The following COL27A1 variants were observed in gnomAD, a reference collection of about 807,000 sequenced individuals.
The protein encoded by COL27A1 is collagen type XXVII alpha 1 chain.
COL27A1 carries 106 observed loss-of-function variants against 251.3 expected under a neutral mutation model. That is an observed-to-expected ratio of 0.42 (90% CI 0.36 to 0.50). The LOEUF (loss-of-function observed/expected upper bound fraction) is 0.50. Ranked by LOEUF, COL27A1 falls within the 20% of genes least tolerant of loss-of-function variation. The pLI is 0.00. For synonymous variants in COL27A1, 1,000 were observed against 986.3 expected (o/e 1.01, Z -0.26); for missense variants, 2,325 against 2,522.8 (o/e 0.92, Z 1.68).
intron 51 of COL27A1, 94 bp from the exon 52 acceptor site, chr9:114,300,978 C>G (rs1223407028): frequency 8.0e-7 from 1 of 1,252,774 alleles, no homozygotes; most frequent in African/African-American, 1.5e-5. Context: ...CCCTTCTACT[C>G]CCTTGCGACG....
chr9:114,290,974 C>A lies in COL27A1; in HGVS notation c.4476+57C>A, dbSNP rs2131627747. The A allele has an allele frequency of 7.5e-7, 1 of 1,335,412 alleles. No individual in the cohort carries two copies. The highest frequency in any genetic ancestry group is 1.0e-6 in the Non-Finnish European group (1 of 963,174). 82.7% of individuals were successfully genotyped at this position (1,335,412 alleles called of 1,614,324 possible). ...TCTGCCCTTTCTGCCTTGATGCAGACTCTAGTGGTTCCGACCCTTTGGGCA... is the reference window on the plus strand; with the variant it reads ...TCTGCCCTTTCTGCCTTGATGCAGAATCTAGTGGTTCCGACCCTTTGGGCA... On this transcript the variant is annotated intron_variant, in intron 48 of 60. Transcript: ENST00000356083. This position sits in a 1 kb window ranked among gnomAD's most constrained non-coding sequence, Gnocchi z 4.6.
intron 7 of COL27A1, among the ~76,000 whole-genome samples, chr9:114,198,484 A>G (rs1010389460): frequency 6.6e-6 from 1 of 152,202 alleles, no homozygotes; most frequent in Non-Finnish European, 1.5e-5. Flanking sequence ...AGTGGGACTC[A>G]GGCATCAGTA....
chr9:114,269,218 G>A (rs1834954916), intron 34 of COL27A1, 23 bp from the exon 35 acceptor site: 2 of 1,571,998 alleles, frequency 1.3e-6, no homozygotes, highest in South Asian at 2.3e-5. Flanking sequence ...CACCCGCAAG[G>A]ACTTTTGTTC....
chr9:114,174,937 C>T (rs1827293419), intron 3 of COL27A1, among the ~76,000 whole-genome samples: 1 of 84,724 alleles, frequency 1.2e-5, no homozygotes, highest in South Asian at 4.4e-4. Flanking sequence ...AGAGTCGAGG[C>T]CTAGAGATCA....
In COL27A1 at chr9:114,310,961, C is replaced by T. The variant is rs531537076; in HGVS notation, c.*266C>T. On this transcript the variant is annotated 3_prime_UTR_variant, in exon 61 of 61. Transcript: ENST00000356083. ...CTGGACCTGCAACCTGCCTGAGCCCCGTGGCCTCTCAGCTCTGCGGCCACC... is the reference window on the plus strand; with the variant it reads ...CTGGACCTGCAACCTGCCTGAGCCCTGTGGCCTCTCAGCTCTGCGGCCACC... 245 of 385,060 alleles carry T rather than the reference C, an allele frequency of 6.4e-4. No individual in the cohort carries two copies. Among genetic ancestry groups the T allele is most frequent in the African/African-American group, 4.4e-3 (219 of 49,898 alleles). The allele number at this position is 385,060 out of a possible 1,614,324, so 23.9% of individuals were successfully genotyped here. A position where few individuals can be genotyped will look rare whatever the true frequency, so the allele number is the denominator to read the frequency against.
chr9:114,245,670 T>C (rs1013828033), intron 23 of COL27A1, among the ~76,000 whole-genome samples, 196 bp from the exon 24 acceptor site: 1 of 152,188 alleles, frequency 6.6e-6, no homozygotes, highest in African/African-American at 2.4e-5. Context: ...ACTAGAGTCA[T>C]GTCTGCCTGA....
chr9:114,301,434 T>C lies in COL27A1; in HGVS notation c.4792-11T>C. The stretch of plus-strand genomic sequence containing the variant: ...TCCCTAACTCTCTCCCCTGCTTCTG[T>C]CTCCCTCCAGGGATTGCAAGGTCCG... On this transcript the variant is annotated splice_polypyrimidine_tract_variant and intron_variant, in intron 53 of 60. Transcript: ENST00000356083. 2 of 1,607,086 alleles carry C rather than the reference T, an allele frequency of 1.2e-6. No homozygotes were observed. Among genetic ancestry groups the C allele is most frequent in the Non-Finnish European group, 1.7e-6 (2 of 1,177,928 alleles).
In COL27A1 at chr9:114,225,672, G is replaced by A. The variant is rs1222209994; in HGVS notation, c.2466+3405G>A. 3.3e-5 allele frequency among the ~76,000 whole-genome samples: 5 copies of A among 152,338 alleles called. No homozygotes were observed. The East Asian group carries it at 7.7e-4, about 23-fold the overall frequency. ...TCACCTACGGTTTTCCAGAGGATGT[G>A]GGTTTTTAGCTGAGCAAATGGGAAT... On this transcript the variant is annotated intron_variant, in intron 14 of 60. Transcript: ENST00000356083.
chr9:114,300,976 C>T, intron 51 of COL27A1, 96 bp from the exon 52 acceptor site: 2 of 1,226,708 alleles, frequency 1.6e-6, no homozygotes, highest in East Asian at 2.3e-5. Context: ...CTCCCTTCTA[C>T]TCCCTTGCGA....
In COL27A1 at chr9:114,258,736, A is replaced by G; in HGVS notation, c.3195+142A>G. 4 of 837,652 alleles carry G rather than the reference A, an allele frequency of 4.8e-6. No individual in the cohort carries two copies. In the South Asian group the frequency reaches 6.5e-5, roughly 14 times the overall value. The allele number at this position is 837,652 out of a possible 1,614,324, so 51.9% of individuals were successfully genotyped here. The stretch of plus-strand genomic sequence containing the variant: ...CTTTCATAGCACAAGGCAAGGTTCT[A>G]GGCTCACCCTGGACCTGTCTCTAGG... On this transcript the variant is annotated intron_variant, in intron 28 of 60. Transcript: ENST00000356083.
At chr9:114,269,371 C>T (rs1404428315) in intron 35 of COL27A1, 77 bp downstream of exon 35, 1 of 1,031,000 alleles carries the variant, frequency 9.7e-7, no homozygotes, top group South Asian at 1.5e-5. Context: ...CGGCTTTTCT[C>T]AATCTCCCTA....
intron 19 of COL27A1, among the ~76,000 whole-genome samples, chr9:114,238,213 C>G (rs1456045859): frequency 6.6e-6 from 1 of 152,234 alleles, no homozygotes; most frequent in Non-Finnish European, 1.5e-5. Flanking sequence ...TATAATAACT[C>G]TAGTTGAGTC....
chr9:114,214,468 T>C (rs1047463565), intron 12 of COL27A1, among the ~76,000 whole-genome samples: 1 of 152,152 alleles, frequency 6.6e-6, no homozygotes, highest in South Asian at 2.1e-4. Flanking sequence ...AAGGGTGATG[T>C]GTCAGAGTCT....
At chr9:114,236,716 C>A (rs964835007) in intron 17 of COL27A1, among the ~76,000 whole-genome samples, 3 of 152,218 alleles carry the variant, frequency 2.0e-5, no homozygotes, top group African/African-American at 7.2e-5. Context: ...CACCACAGAG[C>A]CTGCGTGCAG....
intron 33 of COL27A1, among the ~76,000 whole-genome samples, chr9:114,267,263 G>T (rs1277150724): frequency 6.6e-6 from 1 of 152,168 alleles, no homozygotes; most frequent in Non-Finnish European, 1.5e-5. Flanking sequence ...CCACACTTGT[G>T]GGGCGGGAGA....
chr9:114,291,791 C>T (rs1052121195), intron 48 of COL27A1, among the ~76,000 whole-genome samples: 1 of 151,894 alleles, frequency 6.6e-6, no homozygotes, highest in Non-Finnish European at 1.5e-5. Context: ...AGGCATTCTA[C>T]GAGTGTGAGC....
intron 27 of COL27A1, among the ~76,000 whole-genome samples, chr9:114,255,123 T>TTTTTGCCC (rs1833834129): frequency 3.3e-5 from 5 of 152,172 alleles, no homozygotes; most frequent in Admixed American, 3.3e-4. Context: ...CAGTGACATA[T>TTTTTGCCC]TTTTGCCCTT....
intron 36 of COL27A1, 93 bp downstream of exon 36, chr9:114,270,874 C>T: frequency 2.1e-6 from 2 of 970,436 alleles, no homozygotes; most frequent in South Asian, 2.7e-5. Context: ...CACTGTGTTC[C>T]CATAGAGATC....
intron 1 of COL27A1, among the ~76,000 whole-genome samples, chr9:114,157,002 C>G (rs961827653): frequency 6.6e-6 from 1 of 152,018 alleles, no homozygotes; most frequent in Non-Finnish European, 1.5e-5. Context: ...GGGATGACAC[C>G]CCCTCCTTTC....
Sources: allele counts gnomAD v4.1 joint callset (sites outside exome capture counted in the v4.1 genomes callset), GRCh38; gene constraint gnomAD v4.1.1; non-coding constraint Gnocchi (gnomAD v3.1); transcripts MANE v1.5; gene names NCBI Gene and HGNC (gene_info 2026-07-23, HGNC 2026-07-21).